ARMC3: variants seen among roughly 807,000 people sequenced by gnomAD.
ARMC3 encodes the protein armadillo repeat containing 3, also known as armadillo repeat-containing protein 3.
ARMC3 carries 74 observed loss-of-function variants against 90.3 expected under a neutral mutation model. The observed-to-expected ratio is 0.82, with a 90% CI of 0.68 to 0.99. The LOEUF is 0.99. ARMC3 is among the 50% of genes least tolerant of loss of function. The probability of loss-of-function intolerance (pLI) is 0.00; values close to 1 mark genes in which losing one functional copy is unlikely to be tolerated. For synonymous variants in ARMC3, 334 were observed against 361.8 expected, an observed-to-expected ratio of 0.92 and a Z score of 0.87; for missense variants, 958 against 1,042.8, an observed-to-expected ratio of 0.92 and a Z score of 1.12.
At chr10:23,008,607 T>A (rs1296491652) in intron 15 of ARMC3, among the ~76,000 whole-genome samples, 1 of 152,230 alleles carries the variant, frequency 6.6e-6, no homozygotes, top group Admixed American at 6.5e-5. Context: ...GCCACATGAC[T>A]TAGTGTCTGT....
chr10:22,984,200 G>T (rs1212490029), intron 10 of ARMC3, among the ~76,000 whole-genome samples: 1 of 152,056 alleles, frequency 6.6e-6, no homozygotes, highest in African/African-American at 2.4e-5. Context: ...TCTCCTACAC[G>T]CATATCTTAA....
intron 4 of ARMC3, among the ~76,000 whole-genome samples, chr10:22,956,415 C>G (rs1834936623): frequency 6.6e-6 from 1 of 151,984 alleles, no homozygotes; most frequent in Non-Finnish European, 1.5e-5. Flanking sequence ...CTAGCCTGGC[C>G]AAAATGGTGA....
intron 1 of ARMC3, among the ~76,000 whole-genome samples, chr10:22,928,912 A>G (rs997427353): frequency 6.6e-6 from 1 of 152,236 alleles, no homozygotes; most frequent in African/African-American, 2.4e-5. Flanking sequence ...AAGTTGAGGC[A>G]GGATGTTAAA....
intron 18 of ARMC3, among the ~76,000 whole-genome samples, chr10:23,036,394 T>A (rs12256227): frequency 0.054 from 8,165 of 152,316 alleles, 706 homozygotes; most frequent in African/African-American, 0.19. Context: ...TATACAGGGT[T>A]CTAAAACAAC....
In ARMC3 at chr10:22,931,872, G is replaced by C. The variant is rs527676845; in HGVS notation, c.-1-124G>C. 7.7e-4 allele frequency: 552 copies of C among 719,014 alleles called. 1 individual carries two copies. Among genetic ancestry groups the C allele is most frequent in the Non-Finnish European group, 1.1e-3 (466 of 429,546 alleles). 44.5% of individuals were successfully genotyped at this position (719,014 alleles called of 1,614,324 possible). ...TGTACATATGTGATAATTTTTACAT[G>C]TATTGCATTGTGTTTTAGGAGGTAA... is the stretch of plus-strand genomic sequence containing the variant. On this transcript the variant is annotated intron_variant, in intron 1 of 18. Coordinates refer to ENST00000298032, the MANE Select transcript of ARMC3 (RefSeq NM_173081.5).
At chr10:22,993,542 T>C (rs1008822898) in intron 10 of ARMC3, among the ~76,000 whole-genome samples, 2 of 152,212 alleles carry the variant, frequency 1.3e-5, no homozygotes, top group African/African-American at 4.8e-5. Context: ...TTCTTCTTGA[T>C]ACCTGCAGCG....
intron 16 of ARMC3, among the ~76,000 whole-genome samples, chr10:23,026,474 G>A (rs2131552453): frequency 6.6e-6 from 1 of 152,074 alleles, no homozygotes; most frequent in South Asian, 2.1e-4. Flanking sequence ...GCAGTATAAA[G>A]AAGAAAAACC....
At chr10:22,957,590 C>A (rs1008367855) in intron 4 of ARMC3, among the ~76,000 whole-genome samples, 1 of 152,128 alleles carries the variant, frequency 6.6e-6, no homozygotes, top group Non-Finnish European at 1.5e-5. Flanking sequence ...GACAAGGGGC[C>A]AGGCACTGTG....
chr10:22,939,942 C>A (rs1834257724), intron 2 of ARMC3, among the ~76,000 whole-genome samples: 1 of 152,156 alleles, frequency 6.6e-6, no homozygotes, highest in South Asian at 2.1e-4. Context: ...ATATCAACAA[C>A]CACATTGGAT....
At chr10:22,970,544 G>A (rs1028618739) in intron 8 of ARMC3, among the ~76,000 whole-genome samples, 3 of 152,228 alleles carry the variant, frequency 2.0e-5, no homozygotes, top group African/African-American at 7.2e-5. Flanking sequence ...GAGAACTCGT[G>A]TTGCAAAGTG....
At chr10:22,999,544 CCAA>C (rs1396125080) in intron 11 of ARMC3, among the ~76,000 whole-genome samples, 3 of 152,204 alleles carry the variant, frequency 2.0e-5, no homozygotes, top group Admixed American at 6.5e-5. Flanking sequence ...AATAACAAAA[CCAA>C]CGTTTATTTG....
At chr10:22,988,516 T>C (rs1224686412) in intron 10 of ARMC3, among the ~76,000 whole-genome samples, 1 of 152,224 alleles carries the variant, frequency 6.6e-6, no homozygotes, top group African/African-American at 2.4e-5. Context: ...ATGTATTGTG[T>C]ATTTATTGTT....
intron 2 of ARMC3, among the ~76,000 whole-genome samples, chr10:22,942,785 A>C (rs1834369070): frequency 6.6e-6 from 1 of 152,224 alleles, no homozygotes; most frequent in African/African-American, 2.4e-5. Flanking sequence ...CATGTAAAAG[A>C]ATATTCATTG....
chr10:22,956,812 T>C (rs898445461), intron 4 of ARMC3, among the ~76,000 whole-genome samples: 9 of 148,276 alleles, frequency 6.1e-5, no homozygotes, highest in African/African-American at 2.2e-4. Flanking sequence ...TATGTAATTA[T>C]ATATTATATA....
At position 22,961,924 on chromosome 10, in the gene ARMC3, T is replaced by C. The variant is rs1323882327; in HGVS notation, c.578T>C (p.Ile193Thr). 1 of 1,610,076 alleles carries C rather than the reference T, an allele frequency of 6.2e-7. No homozygotes were observed. Among genetic ancestry groups the C allele is most frequent in the Non-Finnish European group, 8.5e-7 (1 of 1,178,904 alleles). The change falls in exon 7 of 19, where the codon ATA becomes ACA. Residue 193 changes from isoleucine (I) to threonine (T), a missense_variant. By Grantham distance (89) the Ile-to-Thr change is moderately conservative. Transcript: ENST00000298032. Reference sequence around the variant, plus strand: ...GCTAAACTTCAAGAACTAAATGCAATACCTCCTATCTTAGATCTCTTGAAG... The same window carrying C: ...GCTAAACTTCAAGAACTAAATGCAACACCTCCTATCTTAGATCTCTTGAAG... ...CRAKLQELNA[I>T]PPILDLLKSE...
chr10:22,992,745 T>A (rs1003044326), intron 10 of ARMC3, among the ~76,000 whole-genome samples: 2 of 152,210 alleles, frequency 1.3e-5, no homozygotes, highest in African/African-American at 4.8e-5. Context: ...ACTCCACTTC[T>A]TGGATCATTA....
chr10:23,004,765 C>T (rs1166348033), intron 13 of ARMC3, among the ~76,000 whole-genome samples: 1 of 152,138 alleles, frequency 6.6e-6, no homozygotes, highest in Non-Finnish European at 1.5e-5. Context: ...TAAAACTTGA[C>T]TCTTACTCTC....
chr10:22,997,686 C>G (rs1040365277), intron 10 of ARMC3, among the ~76,000 whole-genome samples: 1 of 152,146 alleles, frequency 6.6e-6, no homozygotes, highest in Admixed American at 6.5e-5. Flanking sequence ...CTCATTCCTA[C>G]TATTTAAGGC....
intron 18 of ARMC3, 30 bp from the exon 19 acceptor site, chr10:23,037,240 C>A (rs1294520102): frequency 1.3e-6 from 2 of 1,550,302 alleles, no homozygotes; most frequent in Non-Finnish European, 8.8e-7. Context: ...CCCGCACCAC[C>A]CTTGGTTGAT....
Sources: allele counts gnomAD v4.1 joint callset (sites outside exome capture counted in the v4.1 genomes callset), GRCh38; gene constraint gnomAD v4.1.1; transcripts MANE v1.5; gene names NCBI Gene and HGNC (gene_info 2026-07-23, HGNC 2026-07-21).